Variants in NDUFAF2 observed in about 807,000 individuals in gnomAD.
NDUFAF2 encodes the protein NADH:ubiquinone oxidoreductase complex assembly factor 2.
In NDUFAF2, 13 loss-of-function variants were observed where a neutral mutation model predicts 22.8. The observed-to-expected ratio is 0.57, with a 90% CI of 0.37 to 0.91. The LOEUF is 0.91. Among genes scored for constraint, NDUFAF2 ranks in the 40% least tolerant of loss-of-function variants. The pLI is 0.01. For synonymous variants in NDUFAF2, 53 were observed against 64.2 expected (o/e 0.83, Z 0.84); for missense variants, 162 against 195.2 (o/e 0.83, Z 1.01).
intron 1 of NDUFAF2, among the ~76,000 whole-genome samples, chr5:60,981,211 A>G (rs1561533291): frequency 6.6e-6 from 1 of 152,182 alleles, no homozygotes; most frequent in Admixed American, 6.5e-5. Flanking sequence ...CAAATAACAT[A>G]CAATGGAGCT....
At chr5:61,136,135 A>G (rs977447701) in intron 3 of NDUFAF2, among the ~76,000 whole-genome samples, 43 of 148,306 alleles carry the variant, frequency 2.9e-4, no homozygotes, top group African/African-American at 8.1e-4. Context: ...TTGTTGTTCT[A>G]TTTATTTCCA....
rs777211630 is a variant in NDUFAF2, at chr5:61,073,182, A to G, written c.185A>G (p.Tyr62Cys). The G allele has an allele frequency of 7.4e-6, 12 of 1,613,154 alleles. 1 individual carries two copies. Among genetic ancestry groups the G allele is most frequent in the Middle Eastern group, 3.3e-4 (2 of 6,078 alleles). Residue 62 changes from tyrosine to cysteine, a missense_variant, in exon 2 of 4, where the codon TAT becomes TGT. Transcript: ENST00000296597. ...GCAGCAAATAAAAAAGAAGTAGACT[A>G]TGAAGCAGGGGATATTCCAACAGAA... The part of the protein sequence containing the change: ...VEAANKKEVD[Y>C]EAGDIPTEWE...
chr5:61,139,451 A>G (rs1294632623), intron 3 of NDUFAF2, among the ~76,000 whole-genome samples: 1 of 152,244 alleles, frequency 6.6e-6, no homozygotes, highest in Non-Finnish European at 1.5e-5. Context: ...TGTATAGTAA[A>G]AAAGAGGGCT....
At chr5:61,042,341 C>A (rs962816650) in intron 1 of NDUFAF2, among the ~76,000 whole-genome samples, 2 of 151,970 alleles carry the variant, frequency 1.3e-5, no homozygotes, top group Non-Finnish European at 2.9e-5. Context: ...ATGAAAAAAT[C>A]TTCAACTATA....
At chr5:61,151,710 GGAGATTGCGGTGAGCC>G (rs1285291437) in intron 3 of NDUFAF2, among the ~76,000 whole-genome samples, 2 of 152,124 alleles carry the variant, frequency 1.3e-5, no homozygotes, top group Non-Finnish European at 2.9e-5. Context: ...CCTGGAAGGT[GGAGATTGCGGTGAGCC>G]GAGGTTGCGG....
intron 1 of NDUFAF2, among the ~76,000 whole-genome samples, chr5:61,058,084 T>C (rs1242867135): frequency 6.6e-6 from 1 of 152,194 alleles, no homozygotes; most frequent in Non-Finnish European, 1.5e-5. Context: ...GACTCTTTTA[T>C]GGTCTGTGAT....
At chr5:61,098,153 ATTATC>A (rs754023738) in intron 2 of NDUFAF2, among the ~76,000 whole-genome samples, 2 of 152,186 alleles carry the variant, frequency 1.3e-5, no homozygotes, top group African/African-American at 4.8e-5. Context: ...ATTTATGTAT[ATTATC>A]TTATATAATT....
intron 3 of NDUFAF2, among the ~76,000 whole-genome samples, chr5:61,100,915 T>A (rs1752697993): frequency 6.6e-6 from 1 of 152,112 alleles, no homozygotes; most frequent in Non-Finnish European, 1.5e-5. Flanking sequence ...TTACTGATGG[T>A]CGAGATTAGA....
intron 1 of NDUFAF2, among the ~76,000 whole-genome samples, chr5:61,007,501 A>G (rs956817721): frequency 2.0e-5 from 3 of 152,248 alleles, no homozygotes; most frequent in African/African-American, 7.2e-5. Flanking sequence ...GGATATGAAC[A>G]GACACTTCTC....
At chr5:61,106,015 T>G (rs1314647661) in intron 3 of NDUFAF2, among the ~76,000 whole-genome samples, 1 of 151,444 alleles carries the variant, frequency 6.6e-6, no homozygotes, top group African/African-American at 2.5e-5. Context: ...AAGTGGAGTT[T>G]AAGCTCGCAC....
chr5:61,108,897 C>A (rs1007476653), intron 3 of NDUFAF2, among the ~76,000 whole-genome samples: 1 of 152,030 alleles, frequency 6.6e-6, no homozygotes, highest in African/African-American at 2.4e-5. Flanking sequence ...TATTGTGATT[C>A]CCCCAGTTTT....
chr5:61,104,815 G>A (rs1207356626), intron 3 of NDUFAF2, among the ~76,000 whole-genome samples: 1 of 152,078 alleles, frequency 6.6e-6, no homozygotes, highest in Admixed American at 6.6e-5. Context: ...TTGGAATAAG[G>A]GGAGTTAAGT....
At chr5:61,110,206 T>C (rs1407724941) in intron 3 of NDUFAF2, among the ~76,000 whole-genome samples, 1 of 152,162 alleles carries the variant, frequency 6.6e-6, no homozygotes, top group African/African-American at 2.4e-5. Context: ...GCTAGTATTT[T>C]GTTGAGGATT....
chr5:61,066,678 A>G (rs1416176579), intron 1 of NDUFAF2, among the ~76,000 whole-genome samples: 1 of 152,146 alleles, frequency 6.6e-6, no homozygotes, highest in Non-Finnish European at 1.5e-5. Flanking sequence ...TATATAACCT[A>G]TCCACATACT....
intron 1 of NDUFAF2, among the ~76,000 whole-genome samples, chr5:60,987,671 A>C (rs186724449): frequency 3.4e-3 from 513 of 152,356 alleles, no homozygotes; most frequent in Middle Eastern, 0.014. Flanking sequence ...AATAGAACTA[A>C]AGACAAAAAC....
chr5:61,033,301 A>G (rs975720833), intron 1 of NDUFAF2, among the ~76,000 whole-genome samples: 4 of 152,122 alleles, frequency 2.6e-5, no homozygotes, highest in African/African-American at 9.7e-5. Context: ...GTTTTATTTG[A>G]ACATTAATTA....
At chr5:61,037,614 A>T (rs1751815884) in intron 1 of NDUFAF2, among the ~76,000 whole-genome samples, 1 of 152,226 alleles carries the variant, frequency 6.6e-6, no homozygotes, top group African/African-American at 2.4e-5. Flanking sequence ...TCAACATATT[A>T]AAAGCTCTGA....
chr5:61,044,423 C>G (rs995368401), intron 1 of NDUFAF2, among the ~76,000 whole-genome samples: 2 of 152,148 alleles, frequency 1.3e-5, no homozygotes, highest in Admixed American at 1.3e-4. Context: ...CAAGACATCA[C>G]TGCCAAAGCC....
At chr5:61,107,165 T>A (rs1044929311) in intron 3 of NDUFAF2, among the ~76,000 whole-genome samples, 2 of 150,822 alleles carry the variant, frequency 1.3e-5, no homozygotes, top group South Asian at 2.1e-4. Flanking sequence ...CTCCAAACTC[T>A]TCTCCATGGT....
Sources: allele counts gnomAD v4.1 joint callset (sites outside exome capture counted in the v4.1 genomes callset), GRCh38; gene constraint gnomAD v4.1.1; transcripts MANE v1.5; gene names NCBI Gene and HGNC (gene_info 2026-07-23, HGNC 2026-07-21).